Variants in NHS observed in about 807,000 individuals in gnomAD.
NHS encodes actin remodeling regulator NHS.
NHS carries 5 observed loss-of-function variants against 72.5 expected under a neutral mutation model. The ratio of observed to expected loss-of-function variants is 0.07; its 90% CI spans 0.04 to 0.14. NHS has a LOEUF of 0.14. Ranked by LOEUF, NHS falls within the 10% of genes least tolerant of loss-of-function variation. The pLI, the probability that NHS is intolerant of heterozygous loss-of-function variation, is 1.00. For missense variants in NHS, 1,072 were observed against 1,355.7 expected, an observed-to-expected ratio of 0.79 and a Z score of 3.29; for synonymous variants, 464 against 547.7, an observed-to-expected ratio of 0.85 and a Z score of 2.13.
At chrX:17,697,427 T>C (rs1332047005) in intron 3 of NHS, among the ~76,000 whole-genome samples, 1 of 111,731 alleles carries the variant, frequency 9.0e-6, no homozygotes, top group East Asian at 2.8e-4. Context: ...CAGATCCACA[T>C]AGAGTGATTG....
intron 1 of NHS, among the ~76,000 whole-genome samples, chrX:17,412,995 G>A (rs908204384): frequency 8.9e-6 from 1 of 112,307 alleles, no homozygotes; most frequent in Non-Finnish European, 1.9e-5. Context: ...TTTGGCTTGT[G>A]GGCTGAAGTT....
intron 1 of NHS, among the ~76,000 whole-genome samples, chrX:17,659,809 G>A (rs905723808): frequency 8.9e-6 from 1 of 111,804 alleles, no homozygotes; most frequent in African/African-American, 3.3e-5. Flanking sequence ...GGAGGTAGAG[G>A]TTATTATTAT....
chrX:17,660,466 G>C (rs1364060405), intron 1 of NHS, among the ~76,000 whole-genome samples: 1 of 112,255 alleles, frequency 8.9e-6, no homozygotes, highest in Non-Finnish European at 1.9e-5. Context: ...CCAATCTATT[G>C]GTTCAAAATT....
intron 1 of NHS, among the ~76,000 whole-genome samples, chrX:17,524,069 C>T (rs1189652769): frequency 3.6e-5 from 4 of 112,241 alleles, no homozygotes; most frequent in Admixed American, 2.8e-4. Context: ...CCACCCATAG[C>T]AAGCTCCGCA....
At chrX:17,712,766 G>A (rs1409117890) in intron 3 of NHS, among the ~76,000 whole-genome samples, 1 of 110,326 alleles carries the variant, frequency 9.1e-6, no homozygotes, top group Non-Finnish European at 1.9e-5. Context: ...AAAGGTTAGC[G>A]TGAAGGGTTT....
chrX:17,378,702 G>T (rs1220980099), intron 1 of NHS, among the ~76,000 whole-genome samples: 1 of 111,914 alleles, frequency 8.9e-6, no homozygotes, highest in Non-Finnish European at 1.9e-5. Flanking sequence ...GGGCAACTGG[G>T]GTTCAATCCA....
chrX:17,631,823 A>G lies in NHS; in HGVS notation c.566-55919A>G, dbSNP rs1046653557. The stretch of plus-strand genomic sequence containing the variant: ...TTTTCGCTTGTGTAAAAGAAGTTAA[A>G]GGTTTGTATGCAGACTCAGCAATAA... On this transcript the variant is annotated intron_variant, in intron 1 of 8. Coordinates refer to ENST00000676302, the MANE Select transcript of NHS (RefSeq NM_001291867.2). 2.7e-5 allele frequency among the ~76,000 whole-genome samples: 3 copies of G among 112,168 alleles called. No individual in the cohort carries two copies. The Admixed American group carries it at 2.8e-4, about 11-fold the overall frequency.
chrX:17,724,580 AC>A, intron 6 of NHS, 150 bp downstream of exon 6: 3 of 742,298 alleles, frequency 4.0e-6, no homozygotes, highest in Non-Finnish European at 6.0e-6. Flanking sequence ...AGGTGGTATT[AC>A]TTTTTAACTC....
Position 17,691,109 on chromosome X carries a change from A to G in NHS, c.719-1226A>G, listed in dbSNP as rs1037400855. Among the ~76,000 whole-genome samples, 5 of 111,248 alleles carry G rather than the reference A, an allele frequency of 4.5e-5. No individual in the cohort carries two copies. The Admixed American group carries it at 4.8e-4, about 11-fold the overall frequency. On this transcript the variant is annotated intron_variant, in intron 2 of 8. Coordinates refer to ENST00000676302, the MANE Select transcript of NHS (RefSeq NM_001291867.2). ...TCTAGCCTGCCTACTCCCAGCCTAG[A>G]GCAAAGAAAGATATATGTTTAAGAT... is the stretch of plus-strand genomic sequence containing the variant.
At chrX:17,412,353 G>C (rs984263494) in intron 1 of NHS, among the ~76,000 whole-genome samples, 1 of 110,892 alleles carries the variant, frequency 9.0e-6, no homozygotes, top group African/African-American at 3.3e-5. Flanking sequence ...CCAGCACTTT[G>C]GGAGGTCGAG....
intron 1 of NHS, among the ~76,000 whole-genome samples, chrX:17,456,504 G>A (rs2064826367): frequency 1.8e-5 from 2 of 112,351 alleles, no homozygotes; most frequent in African/African-American, 6.5e-5. Context: ...AGAAGAAAAA[G>A]CTGCAGAGAA....
At chrX:17,689,866 C>G (rs1469908866) in intron 2 of NHS, among the ~76,000 whole-genome samples, 6 of 111,768 alleles carry the variant, frequency 5.4e-5, no homozygotes, top group Non-Finnish European at 1.1e-4. Context: ...ATAAGTCATC[C>G]CTGATTAGGA....
At chrX:17,401,238 C>T (rs190561581) in intron 1 of NHS, among the ~76,000 whole-genome samples, 1 of 112,119 alleles carries the variant, frequency 8.9e-6, no homozygotes, top group Non-Finnish European at 1.9e-5. Context: ...CAACATTTAA[C>T]TCAAAAGCAG....
chrX:17,535,624 G>A (rs1026685681), intron 1 of NHS, among the ~76,000 whole-genome samples: 1 of 111,306 alleles, frequency 9.0e-6, no homozygotes, highest in Non-Finnish European at 1.9e-5. Flanking sequence ...CACCCAGGCT[G>A]GAATGCAGCA....
chrX:17,508,712 C>T (rs1269574730), intron 1 of NHS, among the ~76,000 whole-genome samples: 3 of 111,563 alleles, frequency 2.7e-5, no homozygotes, highest in East Asian at 2.8e-4. Flanking sequence ...TCAAATTATC[C>T]GCCTGCCTCA....
At chrX:17,537,332 G>C (rs185755145) in intron 1 of NHS, among the ~76,000 whole-genome samples, 5 of 110,492 alleles carry the variant, frequency 4.5e-5, no homozygotes, top group African/African-American at 1.7e-4. Flanking sequence ...TGTGATTAAA[G>C]GTTTAAACTG....
intron 1 of NHS, among the ~76,000 whole-genome samples, chrX:17,412,207 TTTATA>T (rs1335483878): frequency 9.2e-5 from 10 of 108,928 alleles, no homozygotes; most frequent in Non-Finnish European, 1.3e-4. Context: ...AATGTATTCT[TTTATA>T]ATATATATTA....
In NHS at chrX:17,375,916, G is replaced by T; in HGVS notation, c.159G>T (p.Gly53=). The change falls in exon 1 of 9, where the codon GGG becomes GGT. Residue 53 remains glycine, a synonymous_variant. Transcript: ENST00000676302. ...RRDLDEVEAP[G]PEEPARAVPA... is the part of the protein sequence containing the mutation. ...ACCTGGACGAGGTCGAGGCGCCAGG[G>T]CCAGAGGAGCCAGCCCGCGCCGTCC... 1 of 1,093,558 alleles carries T rather than the reference G, an allele frequency of 9.1e-7. No homozygotes were observed. 90.1% of individuals were successfully genotyped at this position (1,093,558 alleles called of 1,213,427 possible).
In NHS at chrX:17,735,517, C is replaced by A. The variant is rs989321636; in HGVS notation, c.*3053C>A. On this transcript the variant is annotated 3_prime_UTR_variant, in exon 9 of 9. Coordinates refer to ENST00000676302, the MANE Select transcript of NHS (RefSeq NM_001291867.2). ...TGTTGTTGTTTTGATTTGTTTTTGGCTAAGTAGAGGACATGGACTAGTTGT... is the reference window on the plus strand; with the variant it reads ...TGTTGTTGTTTTGATTTGTTTTTGGATAAGTAGAGGACATGGACTAGTTGT... 1 of 112,407 alleles carries A rather than the reference C, an allele frequency of 8.9e-6. No individual in the cohort carries two copies. The highest frequency in any genetic ancestry group is 1.9e-5 in the Non-Finnish European group (1 of 53,245). 9.3% of individuals were successfully genotyped at this position (112,407 alleles called of 1,213,427 possible). A position where few individuals can be genotyped will look rare whatever the true frequency, so the allele number is the denominator to read the frequency against.
Sources: gnomAD v4.1 joint callset for allele counts (sites outside exome capture counted in the v4.1 genomes callset) on GRCh38, gnomAD v4.1.1 for gene constraint, MANE v1.5 for transcripts, NCBI Gene and HGNC (gene_info 2026-07-23, HGNC 2026-07-21) for gene names.